The following GRIK4 variants were observed in gnomAD, a reference collection of about 807,000 sequenced individuals.
The protein encoded by GRIK4 is glutamate ionotropic receptor kainate type subunit 4.
Under a neutral mutation model 104.9 loss-of-function variants are expected in GRIK4, and 40 were observed. The observed-to-expected ratio is 0.38, with a 90% CI of 0.30 to 0.50. The LOEUF (loss-of-function observed/expected upper bound fraction) is 0.50. GRIK4 is among the 20% of genes least tolerant of loss of function. The pLI is 0.93. For synonymous variants in GRIK4, 485 were observed against 524.9 expected (o/e 0.92, Z 1.04); for missense variants, 1,047 against 1,308.1 (o/e 0.80, Z 3.08).
chr11:120,614,767 A>G (rs765860808), intron 1 of GRIK4, among the ~76,000 whole-genome samples: 3 of 152,226 alleles, frequency 2.0e-5, no homozygotes, highest in Non-Finnish European at 4.4e-5. Context: ...TGGGAGGCCA[A>G]GGCGGGTGGA....
At chr11:120,536,709 G>A (rs981615699) in intron 1 of GRIK4, among the ~76,000 whole-genome samples, 6 of 152,128 alleles carry the variant, frequency 3.9e-5, no homozygotes, top group Non-Finnish European at 7.4e-5. Flanking sequence ...TATGAGGCTC[G>A]GCAGGGAAAG....
intron 9 of GRIK4, among the ~76,000 whole-genome samples, chr11:120,863,556 C>G (rs536613580): frequency 6.6e-6 from 1 of 152,046 alleles, no homozygotes; most frequent in Admixed American, 6.6e-5. Context: ...GTGAGTCAGG[C>G]GGAATGATGA....
intron 3 of GRIK4, among the ~76,000 whole-genome samples, chr11:120,793,324 G>GTTGGT (rs1952437058): frequency 6.6e-6 from 1 of 152,064 alleles, no homozygotes; most frequent in South Asian, 2.1e-4. Context: ...AGAGGGCACA[G>GTTGGT]CTGGTCAGGG....
At position 120,952,813 on chromosome 11, in the gene GRIK4, C is replaced by T. The variant is rs749721349; in HGVS notation, c.1591-42C>T. 43 of 1,373,764 alleles carry T rather than the reference C, an allele frequency of 3.1e-5. 1 individual carries two copies. The Admixed American group carries it at 7.0e-4, about 22-fold the overall frequency. The allele number at this position is 1,373,764 out of a possible 1,614,324, so 85.1% of individuals were successfully genotyped here. A position where few individuals can be genotyped will look rare whatever the true frequency, so the allele number is the denominator to read the frequency against. On this transcript the variant is annotated intron_variant, in intron 14 of 20. Coordinates refer to ENST00000527524, the MANE Select transcript of GRIK4 (RefSeq NM_014619.5). The surrounding 1 kb of genome is among the most constrained non-coding windows in gnomAD (Gnocchi z 5.2). ...CCTGCCTGCCCCAAGGTCATGTTGA[C>T]TGAATATGTGCGGTGAATCTTGTTT...
At chr11:120,578,680 C>G (rs527738529) in intron 1 of GRIK4, among the ~76,000 whole-genome samples, 2 of 152,370 alleles carry the variant, frequency 1.3e-5, no homozygotes, top group South Asian at 4.1e-4. Flanking sequence ...AGCCACTCAG[C>G]CACTGCCCCT....
chr11:120,612,872 T>A (rs1042761830), intron 1 of GRIK4, among the ~76,000 whole-genome samples: 1 of 152,064 alleles, frequency 6.6e-6, no homozygotes, highest in African/African-American at 2.4e-5. Flanking sequence ...TGTAGAGCCC[T>A]GAGCGGGGCA....
chr11:120,867,613 C>T (rs1045633275), intron 9 of GRIK4, among the ~76,000 whole-genome samples: 31 of 152,140 alleles, frequency 2.0e-4, no homozygotes, highest in African/African-American at 6.3e-4. Flanking sequence ...GTCGGGCCTT[C>T]GGCATTCTAA....
intron 1 of GRIK4, among the ~76,000 whole-genome samples, chr11:120,612,877 G>A (rs576776424): frequency 2.6e-5 from 4 of 152,290 alleles, no homozygotes; most frequent in Middle Eastern, 3.4e-3. Flanking sequence ...AGCCCTGAGC[G>A]GGGCAGGGAA....
intron 5 of GRIK4, among the ~76,000 whole-genome samples, chr11:120,817,974 G>A (rs1464485881): frequency 6.6e-6 from 1 of 152,230 alleles, no homozygotes; most frequent in Admixed American, 6.5e-5. Flanking sequence ...GCTCTAAGAA[G>A]CACCTGTGGT....
intron 3 of GRIK4, among the ~76,000 whole-genome samples, chr11:120,792,672 G>T (rs1952424452): frequency 6.6e-6 from 1 of 152,154 alleles, no homozygotes; most frequent in Non-Finnish European, 1.5e-5. Flanking sequence ...GCGGAATTGG[G>T]TGAAGGCACG....
intron 1 of GRIK4, among the ~76,000 whole-genome samples, chr11:120,550,969 ACAGTGAAG>A (rs1948133798): frequency 1.3e-5 from 2 of 151,864 alleles, no homozygotes; most frequent in Non-Finnish European, 2.9e-5. Flanking sequence ...GCATGAGTGC[ACAGTGAAG>A]GGCATGATCT....
At chr11:120,734,991 T>G (rs1299119771) in intron 3 of GRIK4, among the ~76,000 whole-genome samples, 3 of 152,244 alleles carry the variant, frequency 2.0e-5, no homozygotes, top group Non-Finnish European at 4.4e-5. Flanking sequence ...TTATCTTGAA[T>G]TTCTTTGAGT....
Position 120,924,551 on chromosome 11 carries a change from C to T in GRIK4, c.1477-15796C>T, listed in dbSNP as rs998485366. ...TCCGGATCAAGAAATATACCCTTAG[C>T]GGCATCCTGAAGACCCCCTTGTCCC... is the stretch of plus-strand genomic sequence containing the variant. On this transcript the variant is annotated intron_variant, in intron 13 of 20. Transcript: ENST00000527524. Among the ~76,000 whole-genome samples the T allele has an allele frequency of 8.0e-5, 11 of 136,690 alleles. No homozygotes were observed. The East Asian group carries it at 1.5e-3, about 19-fold the overall frequency. The allele number at this position is 136,690 out of a possible 152,430, so 89.7% of individuals were successfully genotyped here.
chr11:120,716,014 G>T (rs1209747822), intron 3 of GRIK4, among the ~76,000 whole-genome samples: 1 of 152,120 alleles, frequency 6.6e-6, no homozygotes, highest in Non-Finnish European at 1.5e-5. Context: ...GGGCATGTGG[G>T]CAGTGGGGGA....
chr11:120,700,477 G>C lies in GRIK4; in HGVS notation c.82+40077G>C, dbSNP rs370484403. Among the ~76,000 whole-genome samples the C allele has an allele frequency of 2.0e-5, 3 of 151,326 alleles. No homozygotes were observed. The South Asian group carries it at 6.3e-4, about 32-fold the overall frequency. On this transcript the variant is annotated intron_variant, in intron 3 of 20. Coordinates refer to ENST00000527524, the MANE Select transcript of GRIK4 (RefSeq NM_014619.5). ...TTATTTTTTATTATTACTATTTTTT[G>C]AGAGAGAGTCTTGCTCTGTTGCCCA...
chr11:120,960,776 C>T, intron 16 of GRIK4, 133 bp from the exon 17 acceptor site: 1 of 631,772 alleles, frequency 1.6e-6, no homozygotes, highest in East Asian at 2.8e-5. Context: ...CCTTTCTCTT[C>T]CCCCACTAAG....
chr11:120,958,535 C>T (rs1311752284), intron 16 of GRIK4, among the ~76,000 whole-genome samples: 7 of 152,262 alleles, frequency 4.6e-5, no homozygotes. Context: ...TCGTGGCCTA[C>T]CTCGACCTCC....
intron 20 of GRIK4, among the ~76,000 whole-genome samples, chr11:120,984,913 C>A (rs1403142924): frequency 6.7e-6 from 1 of 150,294 alleles, no homozygotes; most frequent in African/African-American, 2.5e-5. Flanking sequence ...ACTGCAACCT[C>A]CGCCTCCCAG....
At chr11:120,719,910 A>AT (rs1950899803) in intron 3 of GRIK4, among the ~76,000 whole-genome samples, 1 of 152,106 alleles carries the variant, frequency 6.6e-6, no homozygotes, top group Non-Finnish European at 1.5e-5. Context: ...AGAGAAGCCG[A>AT]GAAAAGAGGC....
Sources: gnomAD v4.1 joint callset for allele counts (sites outside exome capture counted in the v4.1 genomes callset) on GRCh38, gnomAD v4.1.1 for gene constraint, Gnocchi (gnomAD v3.1) non-coding constraint, MANE v1.5 for transcripts, NCBI Gene and HGNC (gene_info 2026-07-23, HGNC 2026-07-21) for gene names.